Variants in PDE4DIP observed in about 807,000 individuals in gnomAD.
The protein encoded by PDE4DIP is phosphodiesterase 4D interacting protein, also known as myomegalin.
A neutral mutation model predicts 221.4 loss-of-function variants in PDE4DIP; 59 were observed. The observed-to-expected ratio is 0.27, with a 90% confidence interval of 0.22 to 0.33. The LOEUF is 0.33. PDE4DIP is among the 10% of genes least tolerant of loss of function. The pLI is 1.00. For synonymous variants in PDE4DIP, 404 were observed against 815.9 expected, an observed-to-expected ratio of 0.50 and a Z score of 8.60; for missense variants, 1,036 against 2,154.2, an observed-to-expected ratio of 0.48 and a Z score of 10.28.
At chr1:148,888,656 TAA>T, upstream of PDE4DIP, among the ~76,000 whole-genome samples, 1 of 22,560 alleles carries the variant, frequency 4.4e-5, no homozygotes, top group Non-Finnish European at 8.8e-5. Context: ...GTGGTATAAA[TAA>T]TACTTCCTGC....
Position 149,026,971 on chromosome 1 carries a change from C to T in PDE4DIP, c.6442+140C>T, listed in dbSNP as rs189401376. On this transcript the variant is annotated intron_variant, in intron 39 of 43. Coordinates refer to ENST00000369354, the Ensembl canonical transcript of PDE4DIP. Reference sequence around the variant, plus strand: ...CCAAGGCCTTTAGCCCTACTCCCTGCACCTTCTGTGGCTGCCTTTCTTGCC... The same window carrying T: ...CCAAGGCCTTTAGCCCTACTCCCTGTACCTTCTGTGGCTGCCTTTCTTGCC... The T allele has an allele frequency of 6.6e-3, 4,025 of 610,470 alleles. 24 individuals are homozygous for T. The highest frequency in any genetic ancestry group is 9.8e-3 in the Non-Finnish European group (3,337 of 342,122). The allele number at this position is 610,470 out of a possible 1,614,324, so 37.8% of individuals were successfully genotyped here.
chr1:148,912,191 C>G (rs2042899653), intron 1 of PDE4DIP, among the ~76,000 whole-genome samples: 1 of 145,798 alleles, frequency 6.9e-6, no homozygotes, highest in Admixed American at 6.8e-5. Context: ...ACCTTCACAG[C>G]ATTTATGGCC....
intron 31 of PDE4DIP, among the ~76,000 whole-genome samples, chr1:149,011,029 G>T (rs1553604971): frequency 6.6e-6 from 1 of 150,576 alleles, no homozygotes; most frequent in East Asian, 2.0e-4. Flanking sequence ...AGGATGGTGA[G>T]AACAGCCTCA....
intron 13 of PDE4DIP, among the ~76,000 whole-genome samples, chr1:148,968,624 G>C (rs1404321479): frequency 6.6e-6 from 1 of 151,900 alleles, no homozygotes; most frequent in African/African-American, 2.4e-5. Context: ...ATAGTTTTCT[G>C]TATGGTTTGT....
intron 1 of PDE4DIP, among the ~76,000 whole-genome samples, chr1:148,922,712 G>A (rs12126306): frequency 1.3e-5 from 2 of 148,344 alleles, no homozygotes; most frequent in African/African-American, 5.0e-5. Flanking sequence ...CTCAGCCTCC[G>A]GAGTAGCTGG....
At position 149,003,750 on chromosome 1, in the gene PDE4DIP, G is replaced by GTGA; in HGVS notation, c.3886+20_3886+21insTGA. ...GTCCTGGTAAGAGCACAGGGTGTGG[G>GTGA]GCTCACCCCTCCCTGGAGTCAGCTG... On this transcript the variant is annotated intron_variant, in intron 26 of 43. Transcript: ENST00000369354. 1 of 1,221,680 alleles carries GTGA rather than the reference G, an allele frequency of 8.2e-7. No homozygotes were observed. Among genetic ancestry groups the GTGA allele is most frequent in the Non-Finnish European group, 1.2e-6 (1 of 829,676 alleles). 75.7% of individuals were successfully genotyped at this position (1,221,680 alleles called of 1,614,324 possible).
chr1:148,965,737 TGC>T (rs1170849940), intron 10 of PDE4DIP, 95 bp downstream of exon 13: 100 of 515,226 alleles, frequency 1.9e-4, no homozygotes, highest in Non-Finnish European at 3.3e-4. Context: ...GCTGAGTCCC[TGC>T]CATATGGAAA....
intron 21 of PDE4DIP, chr1:148,983,693 C>T (rs1200031541): frequency 6.6e-6 from 1 of 152,508 alleles, no homozygotes; most frequent in Non-Finnish European, 1.5e-5. Flanking sequence ...GGAGCACAGA[C>T]TCTTTCTCAT....
intron 5 of PDE4DIP, chr1:148,953,023 G>A (rs782373782): frequency 2.5e-6 from 4 of 1,614,152 alleles, no homozygotes; most frequent in Middle Eastern, 1.7e-4. Flanking sequence ...GCTTGCAAAA[G>A]CTGCTACTGG....
rs370421011 is a variant in PDE4DIP at position 149,027,348 on chromosome 1, G to A, written c.6443-53G>A. On this transcript the variant is annotated intron_variant, in intron 39 of 43. Coordinates refer to ENST00000369354, the Ensembl canonical transcript of PDE4DIP. ...TCTTTTTTAGTTGGAGCAAACTGAGGATATCATTATGAATAACAGAAGATT... is the reference window on the plus strand; with the variant it reads ...TCTTTTTTAGTTGGAGCAAACTGAGAATATCATTATGAATAACAGAAGATT... 7.6e-6 allele frequency: 6 copies of A among 791,432 alleles called. No homozygotes were observed. The Admixed American group carries it at 1.2e-4, about 16-fold the overall frequency. 49.0% of individuals were successfully genotyped at this position (791,432 alleles called of 1,614,324 possible).
intron 1 of PDE4DIP, among the ~76,000 whole-genome samples, chr1:148,821,418 A>G (rs2762769): frequency 2.2e-4 from 33 of 149,856 alleles, no homozygotes; most frequent in African/African-American, 6.5e-4. Context: ...TGAGGAACAA[A>G]ATTATTGGAT....
At chr1:148,932,840 A>G (rs1440264179) in intron 4 of PDE4DIP, 4 of 277,216 alleles carry the variant, frequency 1.4e-5, no homozygotes, top group African/African-American at 2.3e-5. Context: ...TATGAGGTGG[A>G]GCCATTAGGA....
At chr1:148,981,529 A>T in intron 21 of PDE4DIP, 132 bp downstream of exon 24, 1 of 1,087,442 alleles carries the variant, frequency 9.2e-7, no homozygotes, top group Non-Finnish European at 1.4e-6. Context: ...TGGCAGAATT[A>T]AACGGTGACT....
At chr1:148,952,387 C>G (rs587671051) in intron 5 of PDE4DIP, 200 of 1,079,138 alleles carry the variant, frequency 1.9e-4, no homozygotes, top group Non-Finnish European at 1.7e-4. Context: ...CCTCCATCCC[C>G]GAGGCTTTGC....
In PDE4DIP at chr1:149,013,084, G is replaced by C. The variant is rs587668369; in HGVS notation, c.5266+308G>C. On this transcript the variant is annotated intron_variant, in intron 32 of 43. Coordinates refer to ENST00000369354, the Ensembl canonical transcript of PDE4DIP. The stretch of plus-strand genomic sequence containing the variant: ...TGACAGACTGGTGGACTGCTCATTG[G>C]TTGGGGGTGGGAGAGAGATGTTATG... 1.4e-3 allele frequency among the ~76,000 whole-genome samples: 212 copies of C among 152,334 alleles called. 1 individual carries two copies. Among genetic ancestry groups the C allele is most frequent in the African/African-American group, 4.8e-3 (200 of 41,570 alleles).
At chr1:148,969,848 A>C (rs1366252115) in intron 14 of PDE4DIP, among the ~76,000 whole-genome samples, 1 of 151,924 alleles carries the variant, frequency 6.6e-6, no homozygotes, top group African/African-American at 2.4e-5. Context: ...CTGGGATTAC[A>C]GGCATGCACC....
At chr1:148,919,495 C>A (rs1175312233) in intron 1 of PDE4DIP, among the ~76,000 whole-genome samples, 3 of 151,534 alleles carry the variant, frequency 2.0e-5, no homozygotes, top group African/African-American at 7.3e-5. Flanking sequence ...CCTGCAATGA[C>A]CAGTCCTTTG....
chr1:148,960,910 G>GA, intron 6 of PDE4DIP, 125 bp downstream of exon 9: 1 of 591,834 alleles, frequency 1.7e-6, no homozygotes, highest in Non-Finnish European at 3.0e-6. Flanking sequence ...TGTGCTCTAG[G>GA]GAATATTTCA....
chr1:148,952,047 C>G (rs1480432271), intron 5 of PDE4DIP: 13 of 1,010,270 alleles, frequency 1.3e-5, no homozygotes, highest in Non-Finnish European at 1.5e-5. Flanking sequence ...GGACGTGGCA[C>G]TGTCCGAGAA....
Sources: gnomAD v4.1 joint callset for allele counts (sites outside exome capture counted in the v4.1 genomes callset) on GRCh38, gnomAD v4.1.1 for gene constraint, MANE v1.5 for transcripts, NCBI Gene and HGNC (gene_info 2026-07-23, HGNC 2026-07-21) for gene names.